Variants in SLC35D1 observed in about 807,000 individuals in gnomAD.
SLC35D1 encodes nucleotide sugar transporter SLC35D1.
In SLC35D1, 31 loss-of-function variants were observed where a neutral mutation model predicts 46.7. That is an observed-to-expected ratio of 0.66 (90% CI 0.50 to 0.90). The LOEUF (loss-of-function observed/expected upper bound fraction) is 0.90. Ranked by LOEUF, SLC35D1 falls within the 40% of genes least tolerant of loss-of-function variation. SLC35D1 has a pLI of 0.00. For missense variants in SLC35D1, 397 were observed against 426.2 expected (o/e 0.93, Z 0.60); for synonymous variants, 195 against 164.6 (o/e 1.18, Z -1.41).
rs1645298077 is a variant in SLC35D1, at chr1:67,050,558, C to G, written c.393-54G>C. On this transcript the variant is annotated intron_variant, in intron 4 of 11. Transcript: ENST00000235345. Reference sequence around the variant, plus strand: ...ATAGAATTTAACAATTTGTTTTAAACTAAGATTTTCCAAATTGGTAGTTAA... The same window carrying G: ...ATAGAATTTAACAATTTGTTTTAAAGTAAGATTTTCCAAATTGGTAGTTAA... The G allele has an allele frequency of 5.5e-6, 8 of 1,447,364 alleles. No homozygotes were observed. The East Asian group carries it at 1.6e-4, about 30-fold the overall frequency. The allele number at this position is 1,447,364 out of a possible 1,614,324, so 89.7% of individuals were successfully genotyped here. A position where few individuals can be genotyped will look rare whatever the true frequency, so the allele number is the denominator to read the frequency against.
At chr1:67,026,974 C>T (rs1667927939) in intron 8 of SLC35D1, among the ~76,000 whole-genome samples, 1 of 152,152 alleles carries the variant, frequency 6.6e-6, no homozygotes, top group Non-Finnish European at 1.5e-5. Flanking sequence ...ATTATCTCCA[C>T]CTGGTCCCTC....
chr1:67,027,920 C>A (rs1030175014), intron 8 of SLC35D1, among the ~76,000 whole-genome samples: 1 of 151,868 alleles, frequency 6.6e-6, no homozygotes, highest in Non-Finnish European at 1.5e-5. Context: ...TTAGTAGACA[C>A]GAGGTTTTGC....
In SLC35D1 at chr1:67,013,157, G is replaced by GATATATATATATATATAT. The variant is rs964691631; in HGVS notation, c.877-3991_877-3990insATATATATATATATATAT. On this transcript the variant is annotated intron_variant, in intron 10 of 11. Coordinates refer to ENST00000235345, the MANE Select transcript of SLC35D1 (RefSeq NM_015139.3). ...ATAATTTAAGAACATATATCCTGGA[G>GATATATATATATATATAT]ATATATATATATCCTGTTCTTAAAT... Among the ~76,000 whole-genome samples, 14 of 29,824 alleles carry GATATATATATATATATAT rather than the reference G, an allele frequency of 4.7e-4. 3 individuals carry two copies. The highest frequency in any genetic ancestry group is 1.6e-3 in the East Asian group (1 of 640). The allele number at this position is 29,824 out of a possible 152,430, so 19.6% of individuals were successfully genotyped here. A position where few individuals can be genotyped will look rare whatever the true frequency, so the allele number is the denominator to read the frequency against.
At chr1:67,028,674 A>G (rs67471683) in intron 8 of SLC35D1, among the ~76,000 whole-genome samples, 29,531 of 152,064 alleles carry the variant, frequency 0.19, 5,328 homozygotes, top group African/African-American at 0.49. Context: ...TCAAATTTGC[A>G]GAAAAAAAAT....
At chr1:67,004,539 TAGATGAAGAGTAAAGTTTCAC>T in intron 11 of SLC35D1, 91 bp from the exon 12 acceptor site, 1 of 1,025,484 alleles carries the variant, frequency 9.8e-7, no homozygotes, top group Non-Finnish European at 1.5e-6. Context: ...ACCAAAAAAT[TAGATGAAGAGTAAAGTTTCAC>T]AGTGGGGAAA....
intron 10 of SLC35D1, among the ~76,000 whole-genome samples, chr1:67,015,093 G>C (rs1667654416): frequency 7.5e-6 from 1 of 132,952 alleles, no homozygotes; most frequent in Admixed American, 8.0e-5. Context: ...CATACGCAAA[G>C]TATATTCCAA....
chr1:67,050,098 G>C (rs1027804718), intron 5 of SLC35D1, among the ~76,000 whole-genome samples: 2 of 152,112 alleles, frequency 1.3e-5, no homozygotes, highest in Admixed American at 1.3e-4. Context: ...TTGTGAAGCA[G>C]AATTTCTTTA....
chr1:66,974,645 A>G, the SLC35D1 span, among the ~76,000 whole-genome samples: 1 of 152,172 alleles, frequency 6.6e-6, no homozygotes, highest in Non-Finnish European at 1.5e-5. Context: ...TATTAAAAGT[A>G]TAACCTTGAT....
In SLC35D1 at chr1:67,052,806, T is replaced by G. The variant is rs1325907971; in HGVS notation, c.289A>C (p.Lys97Gln). 2 of 1,614,052 alleles carry G rather than the reference T, an allele frequency of 1.2e-6. No homozygotes were observed. Among genetic ancestry groups the G allele is most frequent in the Admixed American group, 1.7e-5 (1 of 60,010 alleles). Residue 97 changes from lysine to glutamine, a missense_variant, in exon 3 of 12, where the codon AAG (lysine) becomes CAG (glutamine). Lys to Gln is a moderately conservative substitution (Grantham distance 53). Coordinates refer to ENST00000235345, the MANE Select transcript of SLC35D1 (RefSeq NM_015139.3). The part of the protein sequence containing the change: ...LWVGKALRVV[K>Q]FPDLDRNVPR... ...ACATTTCTGTCAAGGTCAGGAAACTTGACTACTCTGAGCGCCTTTCCCACC... is the reference window on the plus strand; with the variant it reads ...ACATTTCTGTCAAGGTCAGGAAACTGGACTACTCTGAGCGCCTTTCCCACC...
At chr1:66,982,262 A>G in the SLC35D1 span, among the ~76,000 whole-genome samples, 2 of 152,212 alleles carry the variant, frequency 1.3e-5, no homozygotes, top group Non-Finnish European at 2.9e-5. Context: ...CTGCAGTTTC[A>G]CATGAGATAT....
rs199900563 is a variant in SLC35D1, at chr1:67,053,825, C to T, written c.189G>A (p.Val63=). The T allele has an allele frequency of 3.9e-5, 63 of 1,611,318 alleles. No individual in the cohort carries two copies. The East Asian group carries it at 1.4e-3, about 36-fold the overall frequency. ...CTCGGCCCTACCTGTAATTGGTGAG[C>T]ACGCTCTTATTCACCACCACGATCA... is the stretch of plus-strand genomic sequence containing the variant. ...SFLIVVVNKS[V]LTNYRFPSSL... The change falls in exon 1 of 12, where the codon GTG becomes GTA. Residue 63 remains valine (V), a synonymous_variant. Transcript: ENST00000235345.
At chr1:67,039,493 T>TTGTGTGTGTGTGTGTG (rs71801070) in intron 8 of SLC35D1, among the ~76,000 whole-genome samples, 149 of 148,760 alleles carry the variant, frequency 1.0e-3, no homozygotes, top group Middle Eastern at 3.4e-3. Context: ...AGTGAAAAAA[T>TTGTGTGTGTGTGTGTG]TGTGTGTGTG....
intron 7 of SLC35D1, among the ~76,000 whole-genome samples, chr1:67,043,521 G>A (rs754789813): frequency 6.6e-6 from 1 of 152,098 alleles, no homozygotes; most frequent in South Asian, 2.1e-4. Flanking sequence ...TTCCAACTTC[G>A]GCACCAGAGC....
In SLC35D1 at chr1:67,041,777, T is replaced by C. The variant is rs113361944; in HGVS notation, c.729+459A>G. Among the ~76,000 whole-genome samples, 1,041 of 151,912 alleles carry C rather than the reference T, an allele frequency of 6.9e-3. 10 individuals carry two copies. The highest frequency in any genetic ancestry group is 0.024 in the African/African-American group (978 of 41,472). ...TTGCCACACAATGCTAAATATCTCC[T>C]GAGAAAAAAAAAACAAGTTGGGAGT... On this transcript the variant is annotated intron_variant, in intron 8 of 11. Transcript: ENST00000235345.
intron 11 of SLC35D1, chr1:67,008,521 G>A: frequency 8.4e-7 from 1 of 1,188,844 alleles, no homozygotes; most frequent in Non-Finnish European, 1.1e-6. Flanking sequence ...CTGCAAATCT[G>A]AATGGAACGT....
intron 8 of SLC35D1, among the ~76,000 whole-genome samples, chr1:67,028,760 C>A (rs1667963540): frequency 6.6e-6 from 1 of 152,086 alleles, no homozygotes; most frequent in Non-Finnish European, 1.5e-5. Flanking sequence ...GCTTTACAAT[C>A]TTTTTTCCTC....
chr1:67,026,847 T>C (rs1035706654), intron 8 of SLC35D1, among the ~76,000 whole-genome samples: 2 of 152,112 alleles, frequency 1.3e-5, no homozygotes, highest in Non-Finnish European at 2.9e-5. Context: ...AGGCACCTCT[T>C]CACAGGGTGG....
the SLC35D1 span, among the ~76,000 whole-genome samples, chr1:66,982,587 A>G: frequency 1.3e-5 from 2 of 152,202 alleles, no homozygotes; most frequent in Non-Finnish European, 1.5e-5. Context: ...TTTTAAGTAA[A>G]AGAGTTCCAA....
rs1209972648 is a variant in SLC35D1, at chr1:67,054,098, G to C, written c.-85C>G. On this transcript the variant is annotated 5_prime_UTR_variant, in exon 1 of 12. Coordinates refer to ENST00000235345, the MANE Select transcript of SLC35D1 (RefSeq NM_015139.3). ...CAGCTCCCAGGGGACTCCAGGAGTT[G>C]GGGACCGCAGACTAGGCCAGCTGCG... 2.8e-6 allele frequency: 4 copies of C among 1,405,744 alleles called. No homozygotes were observed. In the African/African-American group the frequency reaches 4.3e-5, roughly 15 times the overall value. The allele number at this position is 1,405,744 out of a possible 1,614,324, so 87.1% of individuals were successfully genotyped here.
Sources: allele counts gnomAD v4.1 joint callset (sites outside exome capture counted in the v4.1 genomes callset), GRCh38; gene constraint gnomAD v4.1.1; transcripts MANE v1.5; gene names NCBI Gene and HGNC (gene_info 2026-07-23, HGNC 2026-07-21).